Variants in NF1 observed in about 807,000 individuals in gnomAD.
The protein encoded by NF1 is neurofibromin 1, also known as neurofibromin.
In NF1, 122 loss-of-function variants were observed where a neutral mutation model predicts 325.7. The ratio of observed to expected loss-of-function variants is 0.37; its 90% CI spans 0.32 to 0.44. The LOEUF is 0.44. Ranked by LOEUF, NF1 falls within the 20% of genes least tolerant of loss-of-function variation. NF1 has a pLI of 1.00. For missense variants in NF1, 2,140 were observed against 3,415.4 expected (o/e 0.63, Z 9.31); for synonymous variants, 1,091 against 1,186.0 (o/e 0.92, Z 1.65).
chr17:31,182,479 T>C, intron 7 of NF1, 29 bp from the exon 8 acceptor site: 3 of 1,611,006 alleles, frequency 1.9e-6, no homozygotes, highest in Non-Finnish European at 2.5e-6. Context: ...TCCTATCTAA[T>C]AATGTCATTT....
chr17:31,112,872 T>G, intron 1 of NF1, among the ~76,000 whole-genome samples: 1 of 152,202 alleles, frequency 6.6e-6, no homozygotes, highest in East Asian at 1.9e-4. Context: ...TGTAGAAATT[T>G]AGGATTTATA....
chr17:31,095,764 G>A (rs1302900015), intron 1 of NF1, among the ~76,000 whole-genome samples: 1 of 152,072 alleles, frequency 6.6e-6, no homozygotes, highest in Non-Finnish European at 1.5e-5. Flanking sequence ...GTAACGTTTA[G>A]GGGTTCTCTC....
intron 57 of NF1, chr17:31,362,280 T>A: frequency 2.0e-6 from 2 of 985,376 alleles, no homozygotes; most frequent in Non-Finnish European, 2.4e-6. Context: ...AATTTACTTT[T>A]TTTACAGATA....
chr17:31,162,684 A>G (rs1045853866), intron 3 of NF1, among the ~76,000 whole-genome samples: 2 of 152,198 alleles, frequency 1.3e-5, no homozygotes, highest in Non-Finnish European at 2.9e-5. Context: ...TTCTATTTAT[A>G]ATTTACTTTG....
intron 51 of NF1, among the ~76,000 whole-genome samples, chr17:31,353,324 A>G (rs1231349308): frequency 6.6e-6 from 1 of 152,202 alleles, no homozygotes; most frequent in Non-Finnish European, 1.5e-5. Flanking sequence ...TAGTAACTGA[A>G]AGTAAATGAA....
chr17:31,227,478 G>C (rs1157933628), intron 19 of NF1, 45 bp from the exon 20 acceptor site: 1 of 1,594,362 alleles, frequency 6.3e-7, no homozygotes, highest in African/African-American at 1.3e-5. Context: ...TTGATGTTTA[G>C]CTCTAGACTA....
chr17:31,321,141 A>G (rs1009114288), intron 36 of NF1: 2 of 152,232 alleles, frequency 1.3e-5, no homozygotes, highest in African/African-American at 4.8e-5. Flanking sequence ...GTTTTCTTAT[A>G]TCTGATCATT....
At chr17:31,198,168 C>T (rs963412580) in intron 8 of NF1, among the ~76,000 whole-genome samples, 3 of 152,068 alleles carry the variant, frequency 2.0e-5, no homozygotes, top group Non-Finnish European at 4.4e-5. Flanking sequence ...GTGTGTCATC[C>T]TTTTAATAGG....
At chr17:31,339,698 A>G (rs1228545243) in intron 46 of NF1, among the ~76,000 whole-genome samples, 1 of 152,204 alleles carries the variant, frequency 6.6e-6, no homozygotes, top group Non-Finnish European at 1.5e-5. Flanking sequence ...ATGTGATACT[A>G]TTTGACTCTA....
In NF1 at chr17:31,229,304, C is replaced by G. The variant is rs775949348; in HGVS notation, c.2689C>G (p.Arg897Gly). ...ADTPVSKFMDRLLSLMVCNHE... is the reference protein window; with the variant it reads ...ADTPVSKFMDGLLSLMVCNHE... ...TACACCTGTCAGCAAATTTATGGAT[C>G]GGCTGTTGTCCTTAATGGTGTGTAA... The change falls in exon 21 of 58, where the codon CGG becomes GGG. Residue 897 changes from arginine (R) to glycine (G), a missense_variant. This residue lies in a region of NF1 where 380 missense variants were observed against 639.3 expected (regional missense o/e 0.59). Transcript: ENST00000358273. The G allele has an allele frequency of 6.2e-7, 1 of 1,613,890 alleles. No homozygotes were observed.
chr17:31,351,109 T>C (rs955691301), intron 50 of NF1, among the ~76,000 whole-genome samples: 6 of 152,210 alleles, frequency 3.9e-5, no homozygotes, highest in Non-Finnish European at 7.3e-5. Flanking sequence ...ATATGCCCTT[T>C]TTGTTATAGA....
chr17:31,114,598 T>C (rs1913738513), intron 1 of NF1, among the ~76,000 whole-genome samples: 1 of 151,276 alleles, frequency 6.6e-6, no homozygotes, highest in Admixed American at 6.6e-5. Flanking sequence ...GGCTCACGCC[T>C]GTAATCCCAG....
At chr17:31,141,712 A>G (rs1369526299) in intron 1 of NF1, among the ~76,000 whole-genome samples, 1 of 152,150 alleles carries the variant, frequency 6.6e-6, no homozygotes, top group Non-Finnish European at 1.5e-5. Flanking sequence ...CCTTAGCTGG[A>G]TGCCTCTGGA....
Position 31,229,818 on chromosome 17 carries a change from A to G in NF1, c.2851-17A>G, listed in dbSNP as rs1170642352. 1.9e-6 allele frequency: 3 copies of G among 1,611,422 alleles called. No individual in the cohort carries two copies. Among genetic ancestry groups the G allele is most frequent in the Non-Finnish European group, 1.7e-6 (2 of 1,179,488 alleles). On this transcript the variant is annotated splice_polypyrimidine_tract_variant and intron_variant, in intron 21 of 57. Coordinates refer to ENST00000358273, the MANE Select transcript of NF1 (RefSeq NM_001042492.3). ...GGCATTGATGGCAAATCATTAATGT[A>G]TTTGTTCTTTCTTTAGGTTTTATTG...
chr17:31,297,855 TTC>T (rs2068498684), intron 36 of NF1, among the ~76,000 whole-genome samples: 1 of 152,216 alleles, frequency 6.6e-6, no homozygotes, highest in Non-Finnish European at 1.5e-5. Context: ...CGATTATTTT[TTC>T]TTTATCTTTC....
rs190019051 is a variant in NF1 at position 31,295,650 on chromosome 17, A to G, written c.4836-30170A>G. 402 of 1,614,140 alleles carry G rather than the reference A, an allele frequency of 2.5e-4. 5 individuals carry two copies. The East Asian group carries it at 4.7e-3, about 19-fold the overall frequency. On this transcript the variant is annotated intron_variant, in intron 36 of 57. Coordinates refer to ENST00000358273, the MANE Select transcript of NF1 (RefSeq NM_001042492.3). ...GTAATGTTTTGTTTGTGGTCACATGACCACCTGTTATTGTAAAGGGTTATC... is the reference window on the plus strand; with the variant it reads ...GTAATGTTTTGTTTGTGGTCACATGGCCACCTGTTATTGTAAAGGGTTATC...
In NF1 at chr17:31,352,283, C is replaced by G. The variant is rs757245615; in HGVS notation, c.7484C>G (p.Ser2495Cys). ...YRTLKETQPW[S>C]SPKGSEGYLA... ...ACACTAAAGGAGACTCAGCCATGGT[C>G]CTCTCCCAAAGGTTCTGAAGGATAC... Residue 2495 changes from serine (S) to cysteine (C), a missense_variant, in exon 51 of 58, where the codon TCC becomes TGC. Coordinates refer to ENST00000358273, the MANE Select transcript of NF1 (RefSeq NM_001042492.3). 6.2e-7 allele frequency: 1 copy of G among 1,614,018 alleles called. No homozygotes were observed. The highest frequency in any genetic ancestry group is 2.2e-5 in the East Asian group (1 of 44,878).
rs186561555 is a variant in NF1, at chr17:31,210,441, C to T, written c.1393-4010C>T. Among the ~76,000 whole-genome samples, 1,016 of 152,058 alleles carry T rather than the reference C, an allele frequency of 6.7e-3. 16 individuals are homozygous for T. The highest frequency in any genetic ancestry group is 0.023 in the African/African-American group (951 of 41,466). On this transcript the variant is annotated intron_variant, in intron 12 of 57. Coordinates refer to ENST00000358273, the MANE Select transcript of NF1 (RefSeq NM_001042492.3). ...CTACTAAAAATGCAAAAAAATTAGG[C>T]AGGCGTGGTGGCAGGCACTTGTAGT...
At chr17:31,120,953 A>G (rs1914372302) in intron 1 of NF1, among the ~76,000 whole-genome samples, 1 of 152,246 alleles carries the variant, frequency 6.6e-6, no homozygotes, top group African/African-American at 2.4e-5. Context: ...TTTTATGCTT[A>G]TAACACAACA....
Sources: gnomAD v4.1 joint callset for allele counts (sites outside exome capture counted in the v4.1 genomes callset) on GRCh38, gnomAD v4.1.1 for gene constraint, gnomAD v4.1.1 regional missense constraint, MANE v1.5 for transcripts, NCBI Gene and HGNC (gene_info 2026-07-23, HGNC 2026-07-21) for gene names.